MSH3: variants seen among roughly 807,000 people sequenced by gnomAD.
MSH3 encodes DNA mismatch repair protein Msh3.
In MSH3, 106 loss-of-function variants were observed where a neutral mutation model predicts 123.3. That is an observed-to-expected ratio of 0.86 (90% CI 0.73 to 1.01). The LOEUF is 1.01. Among genes scored for constraint, MSH3 ranks in the 50% least tolerant of loss-of-function variants. The pLI is 0.00. For synonymous variants in MSH3, 515 were observed against 481.4 expected (o/e 1.07, Z -0.91); for missense variants, 1,459 against 1,347.6 (o/e 1.08, Z -1.29).
At chr5:80,747,218 A>G (rs1203957758) in intron 12 of MSH3, among the ~76,000 whole-genome samples, 4 of 152,206 alleles carry the variant, frequency 2.6e-5, no homozygotes, top group Non-Finnish European at 5.9e-5. Flanking sequence ...TACAGCAGAA[A>G]CAGACTCACT....
At chr5:80,733,604 T>TAC (rs1012040121) in intron 10 of MSH3, among the ~76,000 whole-genome samples, 37 of 151,726 alleles carry the variant, frequency 2.4e-4, no homozygotes, top group African/African-American at 8.5e-4. Flanking sequence ...AGAATATATA[T>TAC]ATATATATAA....
intron 20 of MSH3, among the ~76,000 whole-genome samples, chr5:80,822,476 A>G (rs1368965658): frequency 6.6e-6 from 1 of 152,210 alleles, no homozygotes; most frequent in Non-Finnish European, 1.5e-5. Flanking sequence ...TTTAGATTTA[A>G]AAGTCTGTCT....
chr5:80,691,803 A>G (rs939323091), intron 8 of MSH3, among the ~76,000 whole-genome samples: 9 of 147,986 alleles, frequency 6.1e-5, no homozygotes, highest in Non-Finnish European at 1.3e-4. Flanking sequence ...ATATAAATAT[A>G]TCTAAATATA....
At chr5:80,795,254 T>C (rs911318924) in intron 19 of MSH3, among the ~76,000 whole-genome samples, 3 of 152,170 alleles carry the variant, frequency 2.0e-5, no homozygotes, top group African/African-American at 7.2e-5. Context: ...ATTTATAATA[T>C]GGATTTTCAT....
intron 21 of MSH3, among the ~76,000 whole-genome samples, chr5:80,861,860 A>G (rs1746017824): frequency 6.6e-6 from 1 of 151,886 alleles, no homozygotes; most frequent in African/African-American, 2.4e-5. Context: ...AACTTGGGGG[A>G]CAGTGGTTTG....
intron 9 of MSH3, 112 bp from the exon 10 acceptor site, chr5:80,728,739 T>C (rs891843037): frequency 3.0e-5 from 19 of 641,442 alleles, no homozygotes; most frequent in South Asian, 1.1e-4. Context: ...TAAGTTTTAC[T>C]TAAAATTTGT....
At chr5:80,737,997 C>G (rs1743543655) in intron 10 of MSH3, among the ~76,000 whole-genome samples, 1 of 152,124 alleles carries the variant, frequency 6.6e-6, no homozygotes, top group Admixed American at 6.5e-5. Context: ...AAAACACACA[C>G]AGCAAAAAGA....
rs26279 is a variant in MSH3, at chr5:80,873,118, G to A, written c.3133G>A (p.Ala1045Thr). ...SEDESKLDPG[A>T]AEQVPDFVTF... ...GATCTCCTTTCTTTATTTCACAGGC[G>A]CAGCAGAACAAGTCCCTGATTTTGT... is the stretch of plus-strand genomic sequence containing the variant. Residue 1045 changes from alanine (A) to threonine (T), a missense_variant and splice_region_variant, in exon 23 of 24, where the codon GCA (alanine) becomes ACA (threonine). Transcript: ENST00000265081. 1,155,132 of 1,610,178 alleles carry A rather than the reference G, an allele frequency of 0.72. 415,407 individuals carry two copies. The highest frequency in any genetic ancestry group is 0.8 in the South Asian group (72,357 of 90,990).
chr5:80,700,686 G>C (rs1020309866), intron 8 of MSH3, among the ~76,000 whole-genome samples: 1 of 152,030 alleles, frequency 6.6e-6, no homozygotes, highest in African/African-American at 2.4e-5. Context: ...TATTTTATAA[G>C]AACATTTGCC....
intron 20 of MSH3, among the ~76,000 whole-genome samples, chr5:80,835,256 G>A (rs543480297): frequency 3.9e-5 from 6 of 152,278 alleles, no homozygotes; most frequent in Admixed American, 2.0e-4. Flanking sequence ...AGACCATCCC[G>A]TAGGAAAAGT....
rs1554071460 is a variant in MSH3 at position 80,750,078 on chromosome 5, A to AGAGTGTGTGTGTGTGTGT, written c.1763+5464_1763+5465insAGTGTGTGTGTGTGTGTG. 3.0e-5 allele frequency among the ~76,000 whole-genome samples: 4 copies of AGAGTGTGTGTGTGTGTGT among 134,260 alleles called. No homozygotes were observed. In the East Asian group the frequency reaches 8.7e-4, roughly 29 times the overall value. 88.1% of individuals were successfully genotyped at this position (134,260 alleles called of 152,430 possible). On this transcript the variant is annotated intron_variant, in intron 12 of 23. Coordinates refer to ENST00000265081, the MANE Select transcript of MSH3 (RefSeq NM_002439.5). ...TTTTTAAGGCTGAATAGTATTCCAG[A>AGAGTGTGTGTGTGTGTGT]GTGTGTGTGTGTGTGTGTGTGTGTG...
At chr5:80,754,278 T>C (rs1430640807) in intron 12 of MSH3, among the ~76,000 whole-genome samples, 1 of 151,932 alleles carries the variant, frequency 6.6e-6, no homozygotes, top group African/African-American at 2.4e-5. Context: ...AAAGCAAATA[T>C]GAATTTTATA....
At chr5:80,736,532 C>T (rs1743512014) in intron 10 of MSH3, among the ~76,000 whole-genome samples, 1 of 152,188 alleles carries the variant, frequency 6.6e-6, no homozygotes, top group African/African-American at 2.4e-5. Context: ...GGCCTTCCTG[C>T]AAGCTTGGCC....
intron 20 of MSH3, among the ~76,000 whole-genome samples, chr5:80,825,676 C>T (rs1445959554): frequency 6.6e-6 from 1 of 152,134 alleles, no homozygotes; most frequent in Admixed American, 6.5e-5. Context: ...CTTAGAATCC[C>T]ACCACCAGTG....
Position 80,873,117 on chromosome 5 carries a change from C to A in MSH3, c.3132C>A (p.Gly1044=). 1 of 1,612,440 alleles carries A rather than the reference C, an allele frequency of 6.2e-7. No individual in the cohort carries two copies. Among genetic ancestry groups the A allele is most frequent in the Non-Finnish European group, 8.5e-7 (1 of 1,178,618 alleles). Residue 1044 remains glycine, a splice_region_variant and synonymous_variant, in exon 23 of 24, where the codon GGC becomes GGA. Transcript: ENST00000265081. ...TGATCTCCTTTCTTTATTTCACAGG[C>A]GCAGCAGAACAAGTCCCTGATTTTG... ...VSEDESKLDP[G]AAEQVPDFVT...
chr5:80,776,368 G>A (rs1408270707), intron 16 of MSH3, among the ~76,000 whole-genome samples: 1 of 152,178 alleles, frequency 6.6e-6, no homozygotes, highest in Non-Finnish European at 1.5e-5. Flanking sequence ...ACCTTCAATT[G>A]TAAGATTAAT....
chr5:80,805,064 G>A (rs1021317944), intron 19 of MSH3, among the ~76,000 whole-genome samples: 1 of 152,190 alleles, frequency 6.6e-6, no homozygotes. Flanking sequence ...AGACCCACAG[G>A]AATCCACCCG....
chr5:80,807,127 G>C (rs890428772), intron 19 of MSH3, among the ~76,000 whole-genome samples: 2 of 149,212 alleles, frequency 1.3e-5, no homozygotes, highest in African/African-American at 5.0e-5. Flanking sequence ...AGAAGGTTGA[G>C]GCACAGTGAG....
At chr5:80,739,209 C>T (rs1316035432) in intron 10 of MSH3, among the ~76,000 whole-genome samples, 2 of 152,222 alleles carry the variant, frequency 1.3e-5, no homozygotes, top group Non-Finnish European at 2.9e-5. Context: ...AGTAAGGACT[C>T]ATATCTAAAC....
Sources: allele counts gnomAD v4.1 joint callset (sites outside exome capture counted in the v4.1 genomes callset), GRCh38; gene constraint gnomAD v4.1.1; transcripts MANE v1.5; gene names NCBI Gene and HGNC (gene_info 2026-07-23, HGNC 2026-07-21).